Variants in ZBTB20 observed in about 807,000 individuals in gnomAD.
ZBTB20 encodes the protein zinc finger and BTB domain containing 20.
In ZBTB20, 9 loss-of-function variants were observed where a neutral mutation model predicts 56.9. The ratio of observed to expected loss-of-function variants is 0.16; its 90% confidence interval spans 0.10 to 0.28. ZBTB20 has a LOEUF of 0.28. Among genes scored for constraint, ZBTB20 ranks in the 10% least tolerant of loss-of-function variants. The probability of loss-of-function intolerance (pLI) is 1.00; values close to 1 mark genes in which losing one functional copy is unlikely to be tolerated. For synonymous variants in ZBTB20, 417 were observed against 420.7 expected, an observed-to-expected ratio of 0.99 and a Z score of 0.11; for missense variants, 655 against 1,003.0, an observed-to-expected ratio of 0.65 and a Z score of 4.69.
At chr3:114,843,387 A>T (rs1037263552) in intron 4 of ZBTB20, among the ~76,000 whole-genome samples, 1 of 152,156 alleles carries the variant, frequency 6.6e-6, no homozygotes, top group African/African-American at 2.4e-5. Flanking sequence ...ACTCTAAGTT[A>T]TATTATCTCC....
intron 1 of ZBTB20, among the ~76,000 whole-genome samples, chr3:115,145,064 C>T (rs925078917): frequency 6.6e-6 from 1 of 152,186 alleles, no homozygotes; most frequent in Admixed American, 6.5e-5. Flanking sequence ...AAAATCAAAA[C>T]CCCAATCTTG....
At chr3:114,937,830 G>C (rs771434523) in intron 3 of ZBTB20, among the ~76,000 whole-genome samples, 33 of 152,084 alleles carry the variant, frequency 2.2e-4, no homozygotes, top group Admixed American at 3.9e-4. Context: ...GGGCACGGTG[G>C]CTCACGCCTG....
intron 7 of ZBTB20, among the ~76,000 whole-genome samples, chr3:114,458,761 A>G (rs1420143249): frequency 1.3e-5 from 2 of 152,124 alleles, no homozygotes; most frequent in Non-Finnish European, 2.9e-5. Flanking sequence ...ATATCACTAG[A>G]ATAATCTTCA....
intron 3 of ZBTB20, among the ~76,000 whole-genome samples, chr3:114,953,711 A>T (rs1052999682): frequency 6.6e-6 from 1 of 152,074 alleles, no homozygotes; most frequent in African/African-American, 2.4e-5. Flanking sequence ...ATACATGAAG[A>T]CATAAAAACT....
At chr3:114,834,817 T>C (rs1489352690) in intron 4 of ZBTB20, among the ~76,000 whole-genome samples, 1 of 152,152 alleles carries the variant, frequency 6.6e-6, no homozygotes, top group East Asian at 1.9e-4. Context: ...GGAGTCGTTA[T>C]CACATTGAAA....
At chr3:115,035,760 T>C (rs916824064) in intron 2 of ZBTB20, among the ~76,000 whole-genome samples, 1 of 152,164 alleles carries the variant, frequency 6.6e-6, no homozygotes, top group African/African-American at 2.4e-5. Context: ...TGTTAATATG[T>C]TCATAGCAGC....
intron 4 of ZBTB20, among the ~76,000 whole-genome samples, chr3:114,865,921 C>T (rs1431976718): frequency 6.6e-6 from 1 of 152,144 alleles, no homozygotes; most frequent in Non-Finnish European, 1.5e-5. Context: ...TTGCCTAAAG[C>T]CTTCTGGTGA....
intron 4 of ZBTB20, among the ~76,000 whole-genome samples, chr3:114,842,324 G>T: frequency 6.6e-6 from 1 of 152,150 alleles, no homozygotes; most frequent in Admixed American, 6.6e-5. Context: ...TGGAACTGAT[G>T]AAAGGACAGA....
intron 6 of ZBTB20, among the ~76,000 whole-genome samples, chr3:114,644,554 C>T (rs56298435): frequency 0.17 from 25,292 of 151,976 alleles, 3,086 homozygotes; most frequent in African/African-American, 0.33. Flanking sequence ...CAATGAAATA[C>T]CATCTTATAC....
intron 5 of ZBTB20, among the ~76,000 whole-genome samples, chr3:114,695,925 T>G (rs1047729995): frequency 6.6e-6 from 1 of 152,076 alleles, no homozygotes; most frequent in African/African-American, 2.4e-5. Flanking sequence ...CCAATTTTCA[T>G]TATTTCTCTG....
At chr3:114,506,973 T>G (rs2044694357) in intron 6 of ZBTB20, among the ~76,000 whole-genome samples, 1 of 152,164 alleles carries the variant, frequency 6.6e-6, no homozygotes, top group Non-Finnish European at 1.5e-5. Flanking sequence ...AGCACGACAC[T>G]CCAATGTTTG....
At chr3:114,458,397 T>A (rs1248653793) in intron 7 of ZBTB20, among the ~76,000 whole-genome samples, 1 of 152,162 alleles carries the variant, frequency 6.6e-6, no homozygotes, top group African/African-American at 2.4e-5. Context: ...ATGTAATAAA[T>A]GAATGGGCAA....
chr3:115,028,018 A>G (rs368002557), intron 2 of ZBTB20, among the ~76,000 whole-genome samples: 2 of 150,828 alleles, frequency 1.3e-5, no homozygotes, highest in African/African-American at 4.8e-5. Context: ...TAACACATGT[A>G]TTACCTCACA....
intron 1 of ZBTB20, among the ~76,000 whole-genome samples, chr3:115,131,365 T>C (rs2084501223): frequency 6.6e-6 from 1 of 152,212 alleles, no homozygotes. Context: ...CTGAATATTA[T>C]ACACACTTTT....
intron 6 of ZBTB20, among the ~76,000 whole-genome samples, chr3:114,510,820 A>G (rs190709591): frequency 6.6e-6 from 1 of 152,218 alleles, no homozygotes; most frequent in African/African-American, 2.4e-5. Flanking sequence ...AATGTTTAAA[A>G]AACATCCGAT....
intron 5 of ZBTB20, among the ~76,000 whole-genome samples, chr3:114,772,495 C>T (rs1010358535): frequency 2.6e-5 from 4 of 151,942 alleles, no homozygotes; most frequent in Non-Finnish European, 4.4e-5. Flanking sequence ...CTGCCATAAA[C>T]CAAAAAATTT....
At position 114,316,487 on chromosome 3, in the gene ZBTB20, T is replaced by A; in HGVS notation, c.*22518A>T. On this transcript the variant is annotated 3_prime_UTR_variant, in exon 12 of 12. Transcript: ENST00000675478. ...GTGTATATATGCACATATACACACC[T>A]ATACATGTATAATATATACACTATA... The A allele has an allele frequency of 1.9e-6, 1 of 515,398 alleles. No individual in the cohort carries two copies. The highest frequency in any genetic ancestry group is 4.0e-6 in the Non-Finnish European group (1 of 251,806). The allele number at this position is 515,398 out of a possible 1,614,324, so 31.9% of individuals were successfully genotyped here.
intron 5 of ZBTB20, among the ~76,000 whole-genome samples, chr3:114,730,059 A>G (rs1274218): frequency 0.12 from 17,991 of 151,252 alleles, 1,320 homozygotes; most frequent in African/African-American, 0.21. Context: ...TGGCCTCCCA[A>G]GGTGCTGGGA....
chr3:114,533,671 C>A (rs2048124883), intron 6 of ZBTB20, among the ~76,000 whole-genome samples: 1 of 151,976 alleles, frequency 6.6e-6, no homozygotes, highest in South Asian at 2.1e-4. Flanking sequence ...AGAGCAACCC[C>A]AAGACACATA....
Sources: gnomAD v4.1 joint callset for allele counts (sites outside exome capture counted in the v4.1 genomes callset) on GRCh38, gnomAD v4.1.1 for gene constraint, MANE v1.5 for transcripts, NCBI Gene and HGNC (gene_info 2026-07-23, HGNC 2026-07-21) for gene names.